Variants in ZNF782 observed in about 807,000 individuals in gnomAD.
The protein encoded by ZNF782 is zinc finger protein 782.
In ZNF782, 12 loss-of-function variants were observed where a neutral mutation model predicts 13.0. The ratio of observed to expected loss-of-function variants is 0.92; its 90% CI spans 0.59 to 1.50. The LOEUF is 1.50. Ranked by LOEUF, ZNF782 falls within the 40% of genes most tolerant of loss-of-function variation. The pLI is 0.00. For synonymous variants in ZNF782, 284 were observed against 283.0 expected (o/e 1.00, Z -0.04); for missense variants, 770 against 822.9 (o/e 0.94, Z 0.79).
chr9:96,901,010 A>C, the ZNF782 span, among the ~76,000 whole-genome samples: 1 of 147,144 alleles, frequency 6.8e-6, no homozygotes, highest in East Asian at 2.1e-4. Flanking sequence ...AAATACAAAA[A>C]TTAGCTGGGC....
chr9:96,882,909 C>T, the ZNF782 span, among the ~76,000 whole-genome samples: 1 of 150,550 alleles, frequency 6.6e-6, no homozygotes, highest in Non-Finnish European at 1.5e-5. Context: ...TGACTTAAAA[C>T]GAGAATTCTC....
chr9:96,819,258 T>A lies in ZNF782; in HGVS notation c.765A>T (p.Lys255Asn). 6.2e-7 allele frequency: 1 copy of A among 1,613,190 alleles called. No homozygotes were observed. The change falls in exon 6 of 6, where the codon AAA becomes AAT. Residue 255 changes from lysine to asparagine, a missense_variant. Lys to Asn is a moderately conservative substitution (Grantham distance 94). Coordinates refer to ENST00000481138, the MANE Select transcript of ZNF782 (RefSeq NM_001001662.3). The stretch of plus-strand genomic sequence containing the variant: ...TGTTCTGAGGAATAATAAAGGTTGA[T>A]TTATCATATTTGTTTTCCCCAAATT... Reference protein sequence around the residue: ...FNKFGENKYDKSTFIIPQNMN... With the variant: ...FNKFGENKYDNSTFIIPQNMN...
chr9:96,908,071 T>C, the ZNF782 span, among the ~76,000 whole-genome samples: 2 of 152,072 alleles, frequency 1.3e-5, no homozygotes, highest in Non-Finnish European at 2.9e-5. Context: ...GGACACAGTC[T>C]GATAAGCTTT....
At chr9:96,880,582 A>G (rs921532535), upstream of ZNF782, among the ~76,000 whole-genome samples, 2 of 152,352 alleles carry the variant, frequency 1.3e-5, no homozygotes, top group Admixed American at 6.5e-5. Flanking sequence ...AAAATTGCAG[A>G]TAACATTGGT....
the ZNF782 span, among the ~76,000 whole-genome samples, chr9:96,882,997 T>C: frequency 3.3e-5 from 5 of 150,018 alleles, no homozygotes; most frequent in Admixed American, 1.3e-4. Context: ...GACACCACAC[T>C]GGCTGTCATG....
Position 96,827,172 on chromosome 9 carries a change from A to T in ZNF782, c.152T>A (p.Phe51Tyr). 6.2e-7 allele frequency: 1 copy of T among 1,609,244 alleles called. No homozygotes were observed. Among genetic ancestry groups the T allele is most frequent in the Non-Finnish European group, 8.5e-7 (1 of 1,177,574 alleles). Reference sequence around the variant, plus strand: ...TGTGAAGATCAGTTCTGGTTTTGTAAAGCAGTAGCCTATAAATGGGAAACA... The same window carrying T: ...TGTGAAGATCAGTTCTGGTTTTGTATAGCAGTAGCCTATAAATGGGAAACA... ...YSHLVSVGYC[F>Y]TKPELIFTLE... Residue 51 changes from phenylalanine to tyrosine, a missense_variant, in exon 5 of 6, where the codon TTT becomes TAT. Phe to Tyr is a conservative substitution (Grantham distance 22). Transcript: ENST00000481138.
chr9:96,883,571 T>A, the ZNF782 span, among the ~76,000 whole-genome samples: 1 of 152,136 alleles, frequency 6.6e-6, no homozygotes, highest in Non-Finnish European at 1.5e-5. Flanking sequence ...GAAAGCCAAG[T>A]TGACATATTT....
At chr9:96,907,612 T>G in the ZNF782 span, among the ~76,000 whole-genome samples, 1 of 152,076 alleles carries the variant, frequency 6.6e-6, no homozygotes, top group African/African-American at 2.4e-5. Context: ...CACACTGCCT[T>G]GATTTCTGTA....
At chr9:96,905,407 T>G in the ZNF782 span, among the ~76,000 whole-genome samples, 1 of 151,816 alleles carries the variant, frequency 6.6e-6, no homozygotes, top group Non-Finnish European at 1.5e-5. Flanking sequence ...CTATATGGTC[T>G]AAAAAAGGGA....
At chr9:96,826,507 C>A (rs1020533997) in intron 5 of ZNF782, among the ~76,000 whole-genome samples, 1 of 152,006 alleles carries the variant, frequency 6.6e-6, no homozygotes, top group African/African-American at 2.4e-5. Flanking sequence ...TATGTACTAA[C>A]CTGCACATTG....
the ZNF782 span, chr9:96,890,535 C>T: frequency 6.6e-6 from 1 of 152,254 alleles, no homozygotes; most frequent in Non-Finnish European, 1.5e-5. Flanking sequence ...AATTAAAGTA[C>T]CCTCCAGCCT....
At chr9:96,884,475 T>C in the ZNF782 span, among the ~76,000 whole-genome samples, 2 of 152,136 alleles carry the variant, frequency 1.3e-5, no homozygotes, top group Non-Finnish European at 2.9e-5. Flanking sequence ...ATCAACAATA[T>C]GCAGAGCCAA....
upstream of ZNF782, among the ~76,000 whole-genome samples, chr9:96,859,213 G>A (rs945910733): frequency 1.3e-5 from 2 of 152,222 alleles, no homozygotes; most frequent in African/African-American, 2.4e-5. Flanking sequence ...CACAAGGACT[G>A]CAACTCTTAG....
chr9:96,898,712 A>G, the ZNF782 span, among the ~76,000 whole-genome samples: 1 of 143,404 alleles, frequency 7.0e-6, no homozygotes, highest in East Asian at 2.6e-4. Flanking sequence ...ATGCCCGGCT[A>G]ATTTTTGTAT....
the ZNF782 span, among the ~76,000 whole-genome samples, chr9:96,900,768 G>T: frequency 2.9e-4 from 44 of 152,114 alleles, no homozygotes; most frequent in African/African-American, 1.0e-3. Context: ...AACAAACACT[G>T]CAGTATAACC....
the ZNF782 span, among the ~76,000 whole-genome samples, chr9:96,885,773 C>A: frequency 8.5e-5 from 13 of 152,222 alleles, no homozygotes; most frequent in East Asian, 2.5e-3. Context: ...CTTGCAGAGC[C>A]TCAATTTAAA....
chr9:96,844,146 G>T (rs1851271870), intron 4 of ZNF782, among the ~76,000 whole-genome samples: 1 of 152,152 alleles, frequency 6.6e-6, no homozygotes, highest in East Asian at 1.9e-4. Flanking sequence ...TCATGAAAAT[G>T]AAAAACTGTG....
At chr9:96,878,561 C>A (rs1851922883), upstream of ZNF782, among the ~76,000 whole-genome samples, 1 of 152,172 alleles carries the variant, frequency 6.6e-6, no homozygotes, top group African/African-American at 2.4e-5. Flanking sequence ...ATGGTTACAA[C>A]TTCTTTACAA....
the ZNF782 span, chr9:96,891,877 T>C: frequency 6.6e-6 from 1 of 152,214 alleles, no homozygotes; most frequent in Non-Finnish European, 1.5e-5. Context: ...AATCAAGAAA[T>C]TGAAGGATTT....
Sources: allele counts gnomAD v4.1 joint callset (sites outside exome capture counted in the v4.1 genomes callset), GRCh38; gene constraint gnomAD v4.1.1; transcripts MANE v1.5; gene names NCBI Gene and HGNC (gene_info 2026-07-23, HGNC 2026-07-21).